ABR: variants seen among roughly 807,000 people sequenced by gnomAD.
ABR encodes active breakpoint cluster region-related protein.
Under a neutral mutation model 107.2 loss-of-function variants are expected in ABR, and 35 were observed. The observed-to-expected ratio is 0.33, with a 90% CI of 0.25 to 0.43. The LOEUF (loss-of-function observed/expected upper bound fraction) is 0.43. Among genes scored for constraint, ABR ranks in the 20% least tolerant of loss-of-function variants. The pLI is 1.00. For synonymous variants in ABR, 498 were observed against 462.0 expected (o/e 1.08, Z -1.00); for missense variants, 815 against 1,115.2 (o/e 0.73, Z 3.83).
chr17:1,087,448 G>A (rs2036672898), intron 4 of ABR, among the ~76,000 whole-genome samples: 1 of 152,192 alleles, frequency 6.6e-6, no homozygotes, highest in African/African-American at 2.4e-5. Context: ...GAGCGCGAGT[G>A]GGGACGCCCG....
At position 1,148,484 on chromosome 17, in the gene ABR, G is replaced by A. The variant is rs909089877; in HGVS notation, c.62-23117C>T. 3.3e-5 allele frequency among the ~76,000 whole-genome samples: 5 copies of A among 152,166 alleles called. No homozygotes were observed. Among genetic ancestry groups the A allele is most frequent in the Non-Finnish European group, 5.9e-5 (4 of 68,026 alleles). On this transcript the variant is annotated intron_variant, in intron 1 of 22. Coordinates refer to ENST00000302538, the MANE Select transcript of ABR (RefSeq NM_021962.5). The surrounding 1 kb of genome is among the most constrained non-coding windows in gnomAD (Gnocchi z 4.9). ...CAATACAGGGGTCCCCAGCCCCCCC[G>A]GGCATGGACCGGCACCAGTCCGTGG...
Position 1,094,963 on chromosome 17 carries a change from A to C in ABR, c.346-3113T>G, listed in dbSNP as rs116726848. 7.0e-3 allele frequency among the ~76,000 whole-genome samples: 1,058 copies of C among 150,944 alleles called. 12 individuals are homozygous for C. Among genetic ancestry groups the C allele is most frequent in the African/African-American group, 0.025 (992 of 40,370 alleles). ...GAGCTGAAAGCTTTGGGGACTCCCC[A>C]CCCTCCATGAGGGACATGGAACTAG... On this transcript the variant is annotated intron_variant, in intron 3 of 22. Transcript: ENST00000302538.
chr17:1,088,923 T>G (rs1597754921), intron 4 of ABR, among the ~76,000 whole-genome samples: 1 of 119,300 alleles, frequency 8.4e-6, no homozygotes, highest in Non-Finnish European at 1.7e-5. Flanking sequence ...TGAGACAGAG[T>G]CTCAGTCTGT....
chr17:1,167,600 A>C (rs1323374741), intron 1 of ABR, among the ~76,000 whole-genome samples: 2 of 152,206 alleles, frequency 1.3e-5, no homozygotes, highest in African/African-American at 4.8e-5. Context: ...GGCAAAGAAC[A>C]CAGGCTGAGG....
Position 1,084,410 on chromosome 17 carries a change from T to C in ABR, c.532-783A>G, listed in dbSNP as rs1476930117. ...AACAAAACAACAAATGAAGATGCTG[T>C]CTTTCCATTTCCCTTGGCCTTGAGG... is the stretch of plus-strand genomic sequence containing the variant. On this transcript the variant is annotated intron_variant, in intron 4 of 22. Transcript: ENST00000302538. This position sits in a 1 kb window ranked among gnomAD's most constrained non-coding sequence, Gnocchi z 4.2. Among the ~76,000 whole-genome samples the C allele has an allele frequency of 6.6e-6, 1 of 152,148 alleles. No individual in the cohort carries two copies. The highest frequency in any genetic ancestry group is 1.5e-5 in the Non-Finnish European group (1 of 68,036).
chr17:1,021,840 C>T (rs1294027734), intron 16 of ABR, among the ~76,000 whole-genome samples: 1 of 146,296 alleles, frequency 6.8e-6, no homozygotes, highest in South Asian at 2.2e-4. Flanking sequence ...AAATCTGTTC[C>T]TGAGAGGTGG....
intron 1 of ABR, among the ~76,000 whole-genome samples, chr17:1,153,300 C>A (rs959206376): frequency 1.3e-5 from 2 of 152,202 alleles, no homozygotes; most frequent in African/African-American, 2.4e-5. Flanking sequence ...TCAGTCATAC[C>A]CCCCAGCCTG....
chr17:1,180,068 C>CTTT (rs2042078902), upstream of ABR, among the ~76,000 whole-genome samples: 1 of 16,762 alleles, frequency 6.0e-5, no homozygotes, highest in Admixed American at 6.9e-4. Context: ...GGGGGCGGGG[C>CTTT]GGGGAGGGAC....
chr17:1,119,937 A>G (rs1371714148), intron 2 of ABR, among the ~76,000 whole-genome samples: 1 of 152,090 alleles, frequency 6.6e-6, no homozygotes, highest in African/African-American at 2.4e-5. Context: ...CAGGCGGGGT[A>G]CAATGCCTAT....
chr17:1,038,063 C>T (rs944412892), intron 16 of ABR, among the ~76,000 whole-genome samples: 2 of 152,336 alleles, frequency 1.3e-5, no homozygotes, highest in Non-Finnish European at 2.9e-5. Context: ...AGAGAGCAGG[C>T]GCCCTGGCTG....
At chr17:1,067,358 G>A in intron 9 of ABR, 116 bp from the exon 10 acceptor site, 1 of 1,020,298 alleles carries the variant, frequency 9.8e-7, no homozygotes, top group Non-Finnish European at 1.4e-6. Flanking sequence ...CTCGCCAGAA[G>A]CAAGAACGAT....
At position 1,070,107 on chromosome 17, in the gene ABR, A is replaced by AC. The variant is rs767732130; in HGVS notation, c.895-18dup. The AC allele has an allele frequency of 3.0e-5, 49 of 1,611,614 alleles. No homozygotes were observed. In the East Asian group the frequency reaches 6.5e-4, roughly 21 times the overall value. On this transcript the variant is annotated splice_polypyrimidine_tract_variant and intron_variant, in intron 8 of 22. Coordinates refer to ENST00000302538, the MANE Select transcript of ABR (RefSeq NM_021962.5). This position sits in a 1 kb window ranked among gnomAD's most constrained non-coding sequence, Gnocchi z 4.2. ...CTGTCGCGTCTGAGGGAGATGGCAGACCCCCCAGCCTGCTCAGAGGGGAAT... is the reference window on the plus strand; with the variant it reads ...CTGTCGCGTCTGAGGGAGATGGCAGACCCCCCCAGCCTGCTCAGAGGGGAAT...
chr17:1,103,818 T>C (rs982994591), intron 2 of ABR, among the ~76,000 whole-genome samples: 2 of 152,168 alleles, frequency 1.3e-5, no homozygotes, highest in African/African-American at 4.8e-5. Flanking sequence ...CTCGGTGCAC[T>C]TGGCTAACAG....
At position 1,100,640 on chromosome 17, in the gene ABR, C is replaced by G. The variant is rs775482525; in HGVS notation, c.342G>C (p.Leu114Phe). ...CCAGAGCAGGGACTGTACTCACCAGCAACAGGGCTTCCAGCTGGTTAATGT... is the reference window on the plus strand; with the variant it reads ...CCAGAGCAGGGACTGTACTCACCAGGAACAGGGCTTCCAGCTGGTTAATGT... ...EIYINQLEAL[L>F]LPMKPLKATA... The change falls in exon 3 of 23, where the codon TTG becomes TTC. Residue 114 changes from leucine to phenylalanine, a missense_variant. Physicochemically the swap from Leu to Phe is conservative, Grantham distance 22 (BLOSUM62 0). Around this residue, in one of 5 missense-constraint regions of ABR, gnomAD observed 385 missense variants for 596.9 expected, o/e 0.64. Transcript: ENST00000302538. The G allele has an allele frequency of 6.2e-7, 1 of 1,614,148 alleles. No homozygotes were observed. Among genetic ancestry groups the G allele is most frequent in the Non-Finnish European group, 8.5e-7 (1 of 1,180,014 alleles).
chr17:1,031,746 G>GGT, intron 16 of ABR: 2 of 1,237,406 alleles, frequency 1.6e-6, no homozygotes, highest in Non-Finnish European at 2.0e-6. Context: ...GGTCATGCCG[G>GGT]GGGGGACGGG....
Position 1,150,351 on chromosome 17 carries a change from C to T in ABR, c.62-24984G>A, listed in dbSNP as rs1030832044. Among the ~76,000 whole-genome samples the T allele has an allele frequency of 2.0e-5, 3 of 152,152 alleles. No homozygotes were observed. Among genetic ancestry groups the T allele is most frequent in the African/African-American group, 7.2e-5 (3 of 41,426 alleles). Reference sequence around the variant, plus strand: ...GAAAGGAGGTAAGAAGTCTGTGTTCCGGGTGTGCTGAGCACTTGCTGTGTG... The same window carrying T: ...GAAAGGAGGTAAGAAGTCTGTGTTCTGGGTGTGCTGAGCACTTGCTGTGTG... On this transcript the variant is annotated intron_variant, in intron 1 of 22. Transcript: ENST00000302538. The surrounding 1 kb of genome is among the most constrained non-coding windows in gnomAD (Gnocchi z 4.8).
chr17:1,176,832 G>A (rs770310502), intron 1 of ABR, among the ~76,000 whole-genome samples: 4 of 150,894 alleles, frequency 2.7e-5, no homozygotes, highest in South Asian at 4.2e-4. Flanking sequence ...GGGCAAAGAC[G>A]GAGACCCCGT....
At position 1,092,883 on chromosome 17, in the gene ABR, T is replaced by G. The variant is rs191247626; in HGVS notation, c.346-1033A>C. 1.7e-5 allele frequency among the ~76,000 whole-genome samples: 2 copies of G among 119,944 alleles called. No homozygotes were observed. Among genetic ancestry groups the G allele is most frequent in the Non-Finnish European group, 1.8e-5 (1 of 55,166 alleles). The allele number at this position is 119,944 out of a possible 152,430, so 78.7% of individuals were successfully genotyped here. A position where few individuals can be genotyped will look rare whatever the true frequency, so the allele number is the denominator to read the frequency against. The stretch of plus-strand genomic sequence containing the variant: ...TCTCGCTCTGTCGCCCAGGCTGGAG[T>G]GCAGTGGTGCGATCTCGGCTCCGCC... On this transcript the variant is annotated intron_variant, in intron 3 of 22. Coordinates refer to ENST00000302538, the MANE Select transcript of ABR (RefSeq NM_021962.5). The surrounding 1 kb of genome is among the most constrained non-coding windows in gnomAD (Gnocchi z 4.6).
In ABR at chr17:1,014,258, G is replaced by A. The variant is rs576935517; in HGVS notation, c.1792-1094C>T. 6.5e-4 allele frequency among the ~76,000 whole-genome samples: 99 copies of A among 151,638 alleles called. 2 individuals are homozygous for A. In the East Asian group the frequency reaches 0.019, roughly 28 times the overall value. On this transcript the variant is annotated intron_variant, in intron 16 of 22. Transcript: ENST00000302538. ...AGATCGAGACCATCCTGGCTAACAC[G>A]GTGAAACCCCGTCTCTACTAAAAAT...
Sources: gnomAD v4.1 joint callset for allele counts (sites outside exome capture counted in the v4.1 genomes callset) on GRCh38, gnomAD v4.1.1 for gene constraint, gnomAD v4.1.1 regional missense constraint, Gnocchi (gnomAD v3.1) non-coding constraint, MANE v1.5 for transcripts, NCBI Gene and HGNC (gene_info 2026-07-23, HGNC 2026-07-21) for gene names.